PDE11A: variants seen among roughly 807,000 people sequenced by gnomAD.
The protein encoded by PDE11A is phosphodiesterase 11A, also known as dual 3',5'-cyclic-AMP and -GMP phosphodiesterase 11A.
In PDE11A, 100 loss-of-function variants were observed where a neutral mutation model predicts 100.5. That is an observed-to-expected ratio of 1.00 (90% CI 0.85 to 1.18). The LOEUF (loss-of-function observed/expected upper bound fraction) is 1.18, where lower values mean the gene tolerates loss of function less well. Ranked by LOEUF, PDE11A falls within the 50% of genes most tolerant of loss-of-function variation. The pLI, the probability that PDE11A is intolerant of heterozygous loss-of-function variation, is 0.00. For synonymous variants in PDE11A, 381 were observed against 420.8 expected (o/e 0.91, Z 1.16); for missense variants, 1,141 against 1,152.6 (o/e 0.99, Z 0.15).
At chr2:177,825,678 G>T (rs2083217128) in intron 6 of PDE11A, among the ~76,000 whole-genome samples, 1 of 152,118 alleles carries the variant, frequency 6.6e-6, no homozygotes, top group South Asian at 2.1e-4. Context: ...CAAGTATGAA[G>T]GAAAGAATCA....
At chr2:178,102,104 G>T in intron 2 of PDE11A, among the ~76,000 whole-genome samples, 1 of 151,518 alleles carries the variant, frequency 6.6e-6, no homozygotes, top group African/African-American at 2.4e-5. Context: ...ACTAGGACTA[G>T]AGGAATATGC....
At chr2:177,813,224 G>C in intron 9 of PDE11A, among the ~76,000 whole-genome samples, 1 of 152,246 alleles carries the variant, frequency 6.6e-6, no homozygotes, top group African/African-American at 2.4e-5. Flanking sequence ...TCTCCAGCTG[G>C]ACCAGCCTGC....
intron 2 of PDE11A, among the ~76,000 whole-genome samples, chr2:178,090,301 T>C (rs1267213338): frequency 2.0e-5 from 3 of 152,268 alleles, no homozygotes; most frequent in Non-Finnish European, 2.9e-5. Context: ...TTTTACTTAT[T>C]GCATTCATTT....
intron 2 of PDE11A, among the ~76,000 whole-genome samples, chr2:177,980,288 A>G (rs968260342): frequency 1.3e-5 from 2 of 150,944 alleles, no homozygotes; most frequent in Non-Finnish European, 3.0e-5. Flanking sequence ...TTTATATCCT[A>G]TGACTAATGT....
chr2:177,974,469 C>T (rs1574318174), intron 2 of PDE11A, among the ~76,000 whole-genome samples: 1 of 47,432 alleles, frequency 2.1e-5, no homozygotes, highest in Non-Finnish European at 3.4e-5. Flanking sequence ...GATTGGTGTA[C>T]CTGAAAGTGA....
Position 177,685,281 on chromosome 2 carries a change from A to G in PDE11A, c.2346-4378T>C, listed in dbSNP as rs1319601455. The stretch of plus-strand genomic sequence containing the variant: ...TCACAGTTGCCATTTGGAGAGAGAG[A>G]TTGAGGTAAGTAAACAACACAAAAT... On this transcript the variant is annotated intron_variant, in intron 15 of 19. Transcript: ENST00000286063. Among the ~76,000 whole-genome samples, 3 of 152,184 alleles carry G rather than the reference A, an allele frequency of 2.0e-5. No individual in the cohort carries two copies. In the South Asian group the frequency reaches 6.2e-4, roughly 31 times the overall value.
intron 16 of PDE11A, among the ~76,000 whole-genome samples, chr2:177,679,431 A>T (rs2080827759): frequency 1.3e-5 from 2 of 152,204 alleles, no homozygotes; most frequent in Non-Finnish European, 2.9e-5. Context: ...CTAAGGGTGC[A>T]TGTGTATGTA....
intron 1 of PDE11A, among the ~76,000 whole-genome samples, chr2:178,016,841 G>C (rs1264177178): frequency 1.3e-5 from 2 of 152,214 alleles, no homozygotes; most frequent in African/African-American, 2.4e-5. Flanking sequence ...GAGACAAAGG[G>C]AGAGTGAAAG....
chr2:177,671,152 C>T (rs965166378), intron 17 of PDE11A, among the ~76,000 whole-genome samples: 4 of 152,192 alleles, frequency 2.6e-5, no homozygotes, highest in Non-Finnish European at 5.9e-5. Flanking sequence ...TAAATGTGCA[C>T]ATCAGGCGCC....
chr2:177,756,096 A>G (rs1044424624), intron 10 of PDE11A, among the ~76,000 whole-genome samples: 2 of 152,126 alleles, frequency 1.3e-5, no homozygotes, highest in African/African-American at 4.8e-5. Flanking sequence ...GGCCATTTCA[A>G]CCCTGCCTTC....
At chr2:177,706,365 T>C (rs1207399284) in intron 13 of PDE11A, among the ~76,000 whole-genome samples, 3 of 152,238 alleles carry the variant, frequency 2.0e-5, no homozygotes, top group Non-Finnish European at 4.4e-5. Flanking sequence ...GGGAGCACTT[T>C]AAGAGAAGGG....
intron 9 of PDE11A, among the ~76,000 whole-genome samples, chr2:177,788,990 A>C (rs924513377): frequency 6.6e-6 from 1 of 152,230 alleles, no homozygotes; most frequent in Non-Finnish European, 1.5e-5. Context: ...TTCCCTCTGA[A>C]ACTATTCCAA....
At chr2:177,931,474 A>G (rs1051946879) in intron 2 of PDE11A, among the ~76,000 whole-genome samples, 1 of 152,218 alleles carries the variant, frequency 6.6e-6, no homozygotes, top group African/African-American at 2.4e-5. Context: ...TGGAATAAAA[A>G]TAGAAATCAA....
chr2:177,716,373 T>C (rs939531676), intron 12 of PDE11A, among the ~76,000 whole-genome samples: 2 of 152,186 alleles, frequency 1.3e-5, no homozygotes, highest in African/African-American at 2.4e-5. Flanking sequence ...GCATTATTTC[T>C]TATGGGTACC....
At chr2:177,728,557 T>C (rs2105448429) in intron 10 of PDE11A, among the ~76,000 whole-genome samples, 1 of 152,286 alleles carries the variant, frequency 6.6e-6, no homozygotes, top group South Asian at 2.1e-4. Context: ...TGAATTTTAA[T>C]TGATGCTATT....
chr2:177,810,559 C>A (rs2082935535), intron 9 of PDE11A, among the ~76,000 whole-genome samples: 1 of 151,982 alleles, frequency 6.6e-6, no homozygotes, highest in African/African-American at 2.4e-5. Flanking sequence ...GAGGTTAGAG[C>A]AGAGATCAGA....
At chr2:177,840,091 A>G (rs142253341) in intron 6 of PDE11A, among the ~76,000 whole-genome samples, 160 bp downstream of exon 6, 37 of 152,330 alleles carry the variant, frequency 2.4e-4, no homozygotes, top group African/African-American at 7.9e-4. Context: ...GAGTCAGACA[A>G]GTTTTTCTAA....
At chr2:178,009,732 G>C (rs1300588507) in intron 2 of PDE11A, among the ~76,000 whole-genome samples, 1 of 152,116 alleles carries the variant, frequency 6.6e-6, no homozygotes, top group Non-Finnish European at 1.5e-5. Context: ...ACAATATAGT[G>C]GTCCTATGCA....
intron 2 of PDE11A, among the ~76,000 whole-genome samples, chr2:177,923,841 A>T (rs1286443961): frequency 6.6e-6 from 1 of 152,206 alleles, no homozygotes; most frequent in African/African-American, 2.4e-5. Context: ...ATATTCCGGA[A>T]TTCTTAAGAA....
Sources: allele counts gnomAD v4.1 joint callset (sites outside exome capture counted in the v4.1 genomes callset), GRCh38; gene constraint gnomAD v4.1.1; transcripts MANE v1.5; gene names NCBI Gene and HGNC (gene_info 2026-07-23, HGNC 2026-07-21).